Variants in SMG6 observed in about 807,000 individuals in gnomAD.
SMG6 encodes SMG6 nonsense mediated mRNA decay factor.
SMG6 carries 66 observed loss-of-function variants against 142.2 expected under a neutral mutation model. The ratio of observed to expected loss-of-function variants is 0.46; its 90% CI spans 0.38 to 0.57. The LOEUF (loss-of-function observed/expected upper bound fraction) is 0.57. Ranked by LOEUF, SMG6 falls within the 20% of genes least tolerant of loss-of-function variation. The pLI, the probability that SMG6 is intolerant of heterozygous loss-of-function variation, is 0.00. For synonymous variants in SMG6, 779 were observed against 702.4 expected (o/e 1.11, Z -1.72); for missense variants, 1,793 against 1,832.0 (o/e 0.98, Z 0.39).
At chr17:2,131,754 A>G (rs191159159) in intron 13 of SMG6, among the ~76,000 whole-genome samples, 105 of 152,312 alleles carry the variant, frequency 6.9e-4, no homozygotes, top group Non-Finnish European at 1.3e-3. Flanking sequence ...TCATATTCAG[A>G]CTTGCAAATC....
chr17:2,288,897 G>A (rs1034137216), intron 6 of SMG6, among the ~76,000 whole-genome samples: 119 of 151,850 alleles, frequency 7.8e-4, no homozygotes, highest in African/African-American at 2.9e-3. Flanking sequence ...GGCTAACACA[G>A]TGAAACCCCG....
intron 13 of SMG6, among the ~76,000 whole-genome samples, chr17:2,170,534 A>G (rs1318423062): frequency 1.3e-5 from 2 of 152,250 alleles, no homozygotes; most frequent in African/African-American, 4.8e-5. Flanking sequence ...CATCTTCCAC[A>G]TGTATAAAAC....
At chr17:2,249,565 C>A (rs184586597) in intron 8 of SMG6, among the ~76,000 whole-genome samples, 2 of 152,306 alleles carry the variant, frequency 1.3e-5, no homozygotes, top group East Asian at 3.9e-4. Context: ...TTCAAGCAAT[C>A]CTCCAGTTTT....
chr17:2,297,010 G>GAAAAAAAAA (rs374673133), intron 4 of SMG6, among the ~76,000 whole-genome samples: 1 of 60,886 alleles, frequency 1.6e-5, no homozygotes, highest in Admixed American at 1.7e-4. Flanking sequence ...CTCAAAAAAT[G>GAAAAAAAAA]AAAAAAAAAA....
chr17:2,096,198 A>G (rs945624504), intron 13 of SMG6, among the ~76,000 whole-genome samples: 35 of 151,938 alleles, frequency 2.3e-4, no homozygotes, highest in African/African-American at 8.5e-4. Flanking sequence ...CACACCACTT[A>G]TGTCTGGCAA....
At chr17:2,207,115 T>TA (rs748167714) in intron 10 of SMG6, among the ~76,000 whole-genome samples, 912 of 56,616 alleles carry the variant, frequency 0.016, 88 homozygotes, top group East Asian at 0.074. Flanking sequence ...CTACTAAAAA[T>TA]CCAAAAAAAA....
At chr17:2,240,927 C>T (rs932467118) in intron 9 of SMG6, among the ~76,000 whole-genome samples, 1 of 152,220 alleles carries the variant, frequency 6.6e-6, no homozygotes, top group Non-Finnish European at 1.5e-5. Context: ...AGGCAACAGT[C>T]TACGATGTTG....
chr17:2,237,765 T>C (rs1026942836), intron 9 of SMG6, among the ~76,000 whole-genome samples: 1 of 152,166 alleles, frequency 6.6e-6, no homozygotes, highest in Admixed American at 6.5e-5. Flanking sequence ...TGGAGCTTCT[T>C]TGGCAACAGA....
chr17:2,258,929 T>C (rs1287473192), intron 8 of SMG6, among the ~76,000 whole-genome samples: 3 of 151,204 alleles, frequency 2.0e-5, no homozygotes, highest in Non-Finnish European at 4.4e-5. Context: ...AATACAAAAA[T>C]GAGCACGGTG....
chr17:2,142,901 A>G (rs968872309), intron 13 of SMG6, among the ~76,000 whole-genome samples: 5 of 151,536 alleles, frequency 3.3e-5, no homozygotes, highest in African/African-American at 1.2e-4. Flanking sequence ...AAAAAAAAAA[A>G]AAAAAAAAAA....
At chr17:2,131,005 A>T (rs2070103594) in intron 13 of SMG6, among the ~76,000 whole-genome samples, 1 of 152,194 alleles carries the variant, frequency 6.6e-6, no homozygotes, top group Admixed American at 6.6e-5. Context: ...CTCCGTCTTT[A>T]AAAAAAGATC....
rs1324022091 is a variant in SMG6, at chr17:2,297,255, T to A, written c.2139A>T (p.Pro713=). The part of the protein sequence containing the change: ...YMDGLAIRSK[P]LRKTVKYALI... ...GAAGGTAGCTTACTGTCTTGCGTAA[T>A]GGCTTGCTGCGAATGGCAAGACCAT... Residue 713 remains proline, a synonymous_variant, in exon 4 of 19, where the codon CCA becomes CCT. Transcript: ENST00000263073. 6.2e-7 allele frequency: 1 copy of A among 1,603,666 alleles called. No individual in the cohort carries two copies. The highest frequency in any genetic ancestry group is 8.5e-7 in the Non-Finnish European group (1 of 1,176,694).
At chr17:2,281,794 C>T (rs1418729792) in intron 8 of SMG6, among the ~76,000 whole-genome samples, 3 of 152,160 alleles carry the variant, frequency 2.0e-5, no homozygotes, top group East Asian at 3.9e-4. Context: ...ACCCTTAAGG[C>T]GCAACGAACC....
intron 4 of SMG6, 107 bp downstream of exon 4, chr17:2,297,136 C>A: frequency 1.4e-6 from 1 of 729,290 alleles, no homozygotes; most frequent in Non-Finnish European, 2.3e-6. Flanking sequence ...TGAACTGTAT[C>A]ATTATTTTAT....
intron 8 of SMG6, among the ~76,000 whole-genome samples, chr17:2,268,172 G>A (rs765908931): frequency 6.4e-4 from 98 of 152,100 alleles, no homozygotes; most frequent in Non-Finnish European, 1.0e-3. Context: ...CCAAAATGCT[G>A]GGATTATAGG....
intron 10 of SMG6, among the ~76,000 whole-genome samples, chr17:2,225,338 AG>A (rs2073286313): frequency 6.6e-6 from 1 of 150,906 alleles, no homozygotes; most frequent in Non-Finnish European, 1.5e-5. Context: ...AAAGAAAAAA[AG>A]AAAAAAAAAA....
intron 15 of SMG6, among the ~76,000 whole-genome samples, chr17:2,079,175 G>A (rs565147828): frequency 1.3e-5 from 2 of 152,164 alleles, no homozygotes; most frequent in Non-Finnish European, 2.9e-5. Flanking sequence ...TGTTGGCCAG[G>A]CTGGTCTCGA....
At chr17:2,254,768 C>T (rs576728163) in intron 8 of SMG6, among the ~76,000 whole-genome samples, 21 of 152,270 alleles carry the variant, frequency 1.4e-4, no homozygotes, top group Admixed American at 6.5e-4. Context: ...AAGCACAGTG[C>T]ACAAGCTGTG....
chr17:2,161,787 A>G (rs1410500447), intron 13 of SMG6, among the ~76,000 whole-genome samples: 1 of 152,178 alleles, frequency 6.6e-6, no homozygotes, highest in East Asian at 1.9e-4. Context: ...TTTTGAATCC[A>G]GGGCATTCCA....
Sources: allele counts gnomAD v4.1 joint callset (sites outside exome capture counted in the v4.1 genomes callset), GRCh38; gene constraint gnomAD v4.1.1; transcripts MANE v1.5; gene names NCBI Gene and HGNC (gene_info 2026-07-23, HGNC 2026-07-21).